Variants in CFAP54 observed in about 807,000 individuals in gnomAD.
CFAP54 encodes the protein cilia- and flagella-associated protein 54.
In CFAP54, 290 loss-of-function variants were observed where a neutral mutation model predicts 370.4. The observed-to-expected ratio is 0.78, with a 90% CI of 0.71 to 0.86. The LOEUF (loss-of-function observed/expected upper bound fraction) is 0.86, where lower values mean the gene tolerates loss of function less well. CFAP54 is among the 40% of genes least tolerant of loss of function. The pLI is 0.00. For synonymous variants in CFAP54, 1,206 were observed against 1,236.5 expected, an observed-to-expected ratio of 0.98 and a Z score of 0.52; for missense variants, 3,399 against 3,528.7, an observed-to-expected ratio of 0.96 and a Z score of 0.93.
rs556730591 is a variant in CFAP54 at position 96,826,528 on chromosome 12, T to C, written c.9097-2486T>C. On this transcript the variant is annotated intron_variant, in intron 65 of 67. Coordinates refer to ENST00000524981, the MANE Select transcript of CFAP54 (RefSeq NM_001306084.2). ...CATGATATATAAATATATAATATAT[T>C]ATATATTATATATATAATTTATATA... 7.3e-5 allele frequency among the ~76,000 whole-genome samples: 5 copies of C among 68,916 alleles called. No homozygotes were observed. In the Admixed American group the frequency reaches 1.2e-3, roughly 16 times the overall value. The allele number at this position is 68,916 out of a possible 152,430, so 45.2% of individuals were successfully genotyped here. A position where few individuals can be genotyped will look rare whatever the true frequency, so the allele number is the denominator to read the frequency against.
intron 3 of CFAP54, 60 bp from the exon 4 acceptor site, chr12:96,506,868 T>A: frequency 7.0e-7 from 1 of 1,418,988 alleles, no homozygotes; most frequent in Non-Finnish European, 9.4e-7. Flanking sequence ...ATTACAGGTG[T>A]GAGCTACTGT....
At chr12:96,491,962 G>A (rs1954889769) in intron 1 of CFAP54, among the ~76,000 whole-genome samples, 1 of 152,168 alleles carries the variant, frequency 6.6e-6, no homozygotes, top group Non-Finnish European at 1.5e-5. Flanking sequence ...GTTTCGCCAT[G>A]TTGGCCAGGC....
chr12:96,628,496 A>C (rs1344408028), intron 30 of CFAP54, among the ~76,000 whole-genome samples: 1 of 152,264 alleles, frequency 6.6e-6, no homozygotes, highest in East Asian at 1.9e-4. Flanking sequence ...CCTGGTAGTG[A>C]GGGAGAGAGA....
chr12:96,757,022 C>G (rs548375902), intron 57 of CFAP54, among the ~76,000 whole-genome samples: 9 of 152,220 alleles, frequency 5.9e-5, no homozygotes, highest in Admixed American at 1.3e-4. Flanking sequence ...GCACTGATCC[C>G]CAGCTGACAG....
At chr12:96,852,482 C>G (rs1662581406) in intron 66 of CFAP54, among the ~76,000 whole-genome samples, 1 of 151,986 alleles carries the variant, frequency 6.6e-6, no homozygotes, top group Non-Finnish European at 1.5e-5. Context: ...AATAATGCAC[C>G]TCAACCCTTA....
chr12:96,492,314 T>C (rs1954893479), intron 1 of CFAP54, among the ~76,000 whole-genome samples: 1 of 152,224 alleles, frequency 6.6e-6, no homozygotes, highest in Admixed American at 6.5e-5. Flanking sequence ...TGCCTGCCTT[T>C]CTGAGCTCAG....
At chr12:96,767,907 C>G (rs924877119) in intron 60 of CFAP54, among the ~76,000 whole-genome samples, 1 of 152,124 alleles carries the variant, frequency 6.6e-6, no homozygotes, top group East Asian at 1.9e-4. Context: ...GAGTACTGTA[C>G]GAGATATTTA....
At chr12:96,551,658 G>C (rs955417231) in intron 15 of CFAP54, among the ~76,000 whole-genome samples, 1 of 151,872 alleles carries the variant, frequency 6.6e-6, no homozygotes, top group Non-Finnish European at 1.5e-5. Context: ...TAGACAAAGA[G>C]ATGCAAAAAA....
At chr12:96,639,653 T>C (rs1956702573) in intron 32 of CFAP54, among the ~76,000 whole-genome samples, 1 of 152,236 alleles carries the variant, frequency 6.6e-6, no homozygotes, top group Non-Finnish European at 1.5e-5. Context: ...GCAGTATCCC[T>C]GATGAACATC....
intron 36 of CFAP54, among the ~76,000 whole-genome samples, chr12:96,655,635 A>T (rs749836748): frequency 1.8e-4 from 27 of 152,160 alleles, no homozygotes; most frequent in Non-Finnish European, 4.0e-4. Context: ...AGTATAATTC[A>T]GATTATGGGA....
chr12:96,621,785 G>A (rs1247974892), intron 27 of CFAP54, 64 bp downstream of exon 27: 12 of 1,120,364 alleles, frequency 1.1e-5, no homozygotes, highest in Non-Finnish European at 1.4e-5. Flanking sequence ...GGGTAATGTA[G>A]TATTATTAAA....
At chr12:96,836,375 G>A (rs77460868) in intron 66 of CFAP54, among the ~76,000 whole-genome samples, 7,835 of 152,252 alleles carry the variant, frequency 0.051, 320 homozygotes, top group Non-Finnish European at 0.083. Context: ...GGGGCACTAG[G>A]CTTCCTGGCT....
intron 39 of CFAP54, among the ~76,000 whole-genome samples, chr12:96,677,235 T>C (rs1349359219): frequency 6.6e-6 from 1 of 152,084 alleles, no homozygotes; most frequent in Non-Finnish European, 1.5e-5. Context: ...TGTCTTGAAC[T>C]CCTGGCTTCA....
chr12:96,799,598 A>C (rs1471425342), intron 63 of CFAP54, among the ~76,000 whole-genome samples: 1 of 152,200 alleles, frequency 6.6e-6, no homozygotes, highest in African/African-American at 2.4e-5. Context: ...TTGGTCAATT[A>C]TAATTCTCTT....
chr12:96,496,700 C>T (rs1954958445), intron 1 of CFAP54, among the ~76,000 whole-genome samples: 1 of 151,570 alleles, frequency 6.6e-6, no homozygotes, highest in South Asian at 2.1e-4. Context: ...AATTGGGGGG[C>T]AGTGGGGGAG....
At chr12:96,695,044 A>C (rs1360411252) in intron 45 of CFAP54, among the ~76,000 whole-genome samples, 1 of 152,112 alleles carries the variant, frequency 6.6e-6, no homozygotes, top group African/African-American at 2.4e-5. Flanking sequence ...ACAAAAAAAA[A>C]CAAAAAAACA....
At position 96,508,126 on chromosome 12, in the gene CFAP54, C is replaced by CTTT. The variant is rs398020728; in HGVS notation, c.739+1044_739+1046dup. ...TTTAAGATCACAACCCAAACATAGT[C>CTTT]TTTTTTTTTTTTTTTTTTTGTCTGA... On this transcript the variant is annotated intron_variant, in intron 4 of 67. Coordinates refer to ENST00000524981, the MANE Select transcript of CFAP54 (RefSeq NM_001306084.2). 7.0e-4 allele frequency among the ~76,000 whole-genome samples: 79 copies of CTTT among 112,196 alleles called. 1 individual carries two copies. The highest frequency in any genetic ancestry group is 5.1e-3 in the Middle Eastern group (1 of 198). The allele number at this position is 112,196 out of a possible 152,430, so 73.6% of individuals were successfully genotyped here. A position where few individuals can be genotyped will look rare whatever the true frequency, so the allele number is the denominator to read the frequency against.
chr12:96,804,474 A>G (rs1358068482), intron 63 of CFAP54, among the ~76,000 whole-genome samples: 2 of 152,172 alleles, frequency 1.3e-5, no homozygotes, highest in African/African-American at 4.8e-5. Context: ...CTATATACCA[A>G]TAATGATCTA....
chr12:96,677,368 G>C (rs1957223669), intron 39 of CFAP54, among the ~76,000 whole-genome samples: 1 of 152,168 alleles, frequency 6.6e-6, no homozygotes. Flanking sequence ...TCTCATAGCA[G>C]TTTCAACTGA....
Sources: gnomAD v4.1 joint callset for allele counts (sites outside exome capture counted in the v4.1 genomes callset) on GRCh38, gnomAD v4.1.1 for gene constraint, MANE v1.5 for transcripts, NCBI Gene and HGNC (gene_info 2026-07-23, HGNC 2026-07-21) for gene names.